The following AOAH variants were observed in gnomAD, a reference collection of about 807,000 sequenced individuals.
The protein encoded by AOAH is acyloxyacyl hydrolase.
In AOAH, 64 loss-of-function variants were observed where a neutral mutation model predicts 92.2. The ratio of observed to expected loss-of-function variants is 0.69; its 90% CI spans 0.57 to 0.86. AOAH has a LOEUF of 0.86. Ranked by LOEUF, AOAH falls within the 40% of genes least tolerant of loss-of-function variation. The pLI is 0.00. For missense variants in AOAH, 656 were observed against 694.6 expected (o/e 0.94, Z 0.62); for synonymous variants, 263 against 254.5 (o/e 1.03, Z -0.32).
intron 12 of AOAH, among the ~76,000 whole-genome samples, chr7:36,583,231 T>G (rs148857817): frequency 4.3e-4 from 66 of 152,262 alleles, no homozygotes; most frequent in Non-Finnish European, 7.4e-4. Context: ...CTGGGGATAT[T>G]TGATGTGAAG....
At position 36,540,403 on chromosome 7, in the gene AOAH, G is replaced by A; in HGVS notation, c.1222C>T (p.Pro408Ser). The A allele has an allele frequency of 6.2e-7, 1 of 1,614,114 alleles. No homozygotes were observed. Among genetic ancestry groups the A allele is most frequent in the Non-Finnish European group, 8.5e-7 (1 of 1,179,956 alleles). The change falls in exon 16 of 21, where the codon CCC becomes TCC. Residue 408 changes from proline to serine, a missense_variant. Transcript: ENST00000617537. Reference sequence around the variant, plus strand: ...TACAAAATAACATGGCTGCCATTGGGCAGGTGGGAATTTAGATGCTTCAGA... The same window carrying A: ...TACAAAATAACATGGCTGCCATTGGACAGGTGGGAATTTAGATGCTTCAGA... ...QTLKHLNSHL[P>S]NGSHVILYGL...
At chr7:36,520,271 A>T (rs576189181) in intron 20 of AOAH, among the ~76,000 whole-genome samples, 2 of 152,340 alleles carry the variant, frequency 1.3e-5, no homozygotes, top group African/African-American at 4.8e-5. Flanking sequence ...GATAAAACAA[A>T]GCTGTCTTTG....
chr7:36,611,711 A>G (rs1791470715), intron 11 of AOAH, among the ~76,000 whole-genome samples: 1 of 152,206 alleles, frequency 6.6e-6, no homozygotes, highest in African/African-American at 2.4e-5. Context: ...GACAAGTACA[A>G]GGATTTCAGG....
chr7:36,622,947 C>T (rs566139879), intron 7 of AOAH, among the ~76,000 whole-genome samples: 45 of 152,112 alleles, frequency 3.0e-4, no homozygotes, highest in African/African-American at 7.5e-4. Flanking sequence ...TTGGGAGGCA[C>T]GAGAAGTACT....
intron 13 of AOAH, among the ~76,000 whole-genome samples, chr7:36,567,519 G>A (rs148188505): frequency 4.6e-5 from 7 of 152,272 alleles, no homozygotes; most frequent in East Asian, 1.9e-4. Flanking sequence ...AAGATACTTA[G>A]TATTAGCTAA....
At position 36,623,261 on chromosome 7, in the gene AOAH, G is replaced by C; in HGVS notation, c.522-11C>G. On this transcript the variant is annotated splice_polypyrimidine_tract_variant and intron_variant, in intron 6 of 20. Transcript: ENST00000617537. ...GACTGTTCCATAGCTCTAGGAAAAA[G>C]AAAACAAAACAATCGGTGAGCTAAC... 6.2e-7 allele frequency: 1 copy of C among 1,612,404 alleles called. No homozygotes were observed. The highest frequency in any genetic ancestry group is 8.5e-7 in the Non-Finnish European group (1 of 1,179,310).
chr7:36,724,322 A>C lies in AOAH; in HGVS notation c.-174T>G, dbSNP rs1290234529. On this transcript the variant is annotated 5_prime_UTR_variant, in exon 1 of 21. Coordinates refer to ENST00000617537, the MANE Select transcript of AOAH (RefSeq NM_001637.4). ...CTTTTCAATAAGTGTGAAGTGAATA[A>C]AAGCACACATAAACACTCACAGACC... 1.6e-6 allele frequency: 1 copy of C among 628,214 alleles called. No individual in the cohort carries two copies. The highest frequency in any genetic ancestry group is 3.0e-5 in the Admixed American group (1 of 32,912). 38.9% of individuals were successfully genotyped at this position (628,214 alleles called of 1,614,324 possible). A position where few individuals can be genotyped will look rare whatever the true frequency, so the allele number is the denominator to read the frequency against.
chr7:36,607,936 T>C (rs73107125), intron 11 of AOAH, among the ~76,000 whole-genome samples: 5,397 of 152,286 alleles, frequency 0.035, 158 homozygotes, highest in Middle Eastern at 0.13. Flanking sequence ...CTTGCCATGG[T>C]GGAGTGTGTG....
At chr7:36,519,491 C>T (rs898534544) in intron 20 of AOAH, among the ~76,000 whole-genome samples, 19 of 152,208 alleles carry the variant, frequency 1.2e-4, no homozygotes, top group African/African-American at 4.3e-4. Flanking sequence ...AGTACAATGG[C>T]ATGATCTCAG....
chr7:36,665,447 G>A (rs909301443), intron 3 of AOAH, among the ~76,000 whole-genome samples: 1 of 146,334 alleles, frequency 6.8e-6, no homozygotes, highest in African/African-American at 2.5e-5. Flanking sequence ...TTTTTTTGCC[G>A]ATTCTTTTGG....
chr7:36,614,799 C>T lies in AOAH; in HGVS notation c.846+1581G>A, dbSNP rs938071449. On this transcript the variant is annotated intron_variant, in intron 11 of 20. Transcript: ENST00000617537. The surrounding 1 kb of genome is among the most constrained non-coding windows in gnomAD (Gnocchi z 4.2). ...GGGCAGAGGAGACAAACTCATTACCCATCCAAATAATTAGCATGTTCCAGC... is the reference window on the plus strand; with the variant it reads ...GGGCAGAGGAGACAAACTCATTACCTATCCAAATAATTAGCATGTTCCAGC... Among the ~76,000 whole-genome samples the T allele has an allele frequency of 6.6e-6, 1 of 152,210 alleles. No individual in the cohort carries two copies. The highest frequency in any genetic ancestry group is 1.5e-5 in the Non-Finnish European group (1 of 68,042).
rs571794070 is a variant in AOAH, at chr7:36,528,847, C to T, written c.1522+1571G>A. Among the ~76,000 whole-genome samples, 3 of 152,308 alleles carry T rather than the reference C, an allele frequency of 2.0e-5. No homozygotes were observed. The South Asian group carries it at 6.2e-4, about 32-fold the overall frequency. On this transcript the variant is annotated intron_variant, in intron 19 of 20. Transcript: ENST00000617537. ...GACCTCCTGGACTTGAGCGATCCTC[C>T]CATCTCAGCTTCACAAACCATTTAC...
intron 4 of AOAH, among the ~76,000 whole-genome samples, chr7:36,639,475 G>A (rs1156677751): frequency 6.6e-6 from 1 of 152,140 alleles, no homozygotes; most frequent in Non-Finnish European, 1.5e-5. Flanking sequence ...GGCATAGTAG[G>A]TGCTCAGTAA....
chr7:36,580,927 T>G (rs1362404202), intron 12 of AOAH, among the ~76,000 whole-genome samples: 1 of 152,246 alleles, frequency 6.6e-6, no homozygotes, highest in East Asian at 1.9e-4. Flanking sequence ...TCCTCAACAT[T>G]TAGCATTCAT....
At chr7:36,626,573 C>T (rs1391940591) in intron 6 of AOAH, among the ~76,000 whole-genome samples, 3 of 152,130 alleles carry the variant, frequency 2.0e-5, no homozygotes, top group African/African-American at 7.2e-5. Context: ...GGTAGCAAAA[C>T]TTGACCTGAA....
intron 13 of AOAH, among the ~76,000 whole-genome samples, chr7:36,559,112 A>G (rs962097219): frequency 6.6e-6 from 1 of 152,254 alleles, no homozygotes; most frequent in Admixed American, 6.5e-5. Flanking sequence ...CTATTCAGCC[A>G]TCTTGGCTCC....
intron 13 of AOAH, among the ~76,000 whole-genome samples, chr7:36,576,213 G>C (rs1788486488): frequency 6.6e-6 from 1 of 152,186 alleles, no homozygotes; most frequent in African/African-American, 2.4e-5. Context: ...CATCAGAGAG[G>C]GCAGAGCTTT....
chr7:36,603,814 T>TAA (rs1211151433), intron 11 of AOAH, among the ~76,000 whole-genome samples: 1 of 152,254 alleles, frequency 6.6e-6, no homozygotes, highest in Non-Finnish European at 1.5e-5. Flanking sequence ...CTAAACTTGC[T>TAA]AAGTCTCAGT....
At chr7:36,689,861 A>T (rs1204078472) in intron 1 of AOAH, among the ~76,000 whole-genome samples, 1 of 152,190 alleles carries the variant, frequency 6.6e-6, no homozygotes, top group Non-Finnish European at 1.5e-5. Context: ...GAAAACCAAC[A>T]ATAGTTTGGT....
Sources: allele counts gnomAD v4.1 joint callset (sites outside exome capture counted in the v4.1 genomes callset), GRCh38; gene constraint gnomAD v4.1.1; non-coding constraint Gnocchi (gnomAD v3.1); transcripts MANE v1.5; gene names NCBI Gene and HGNC (gene_info 2026-07-23, HGNC 2026-07-21).